GNG12: variants seen among roughly 807,000 people sequenced by gnomAD.
GNG12 encodes G protein subunit gamma 12.
For missense variants in GNG12, 69 were observed against 83.8 expected, an observed-to-expected ratio of 0.82 and a Z score of 0.69; for synonymous variants, 28 against 29.7, an observed-to-expected ratio of 0.94 and a Z score of 0.19.
intron 1 of GNG12, among the ~76,000 whole-genome samples, chr1:67,821,770 G>C (rs1397827529): frequency 7.3e-6 from 1 of 136,164 alleles, no homozygotes; most frequent in African/African-American, 2.7e-5. Flanking sequence ...TTAATCAGCA[G>C]CTTTTTTTTT....
intron 2 of GNG12, among the ~76,000 whole-genome samples, chr1:67,741,518 C>T (rs1469119146): frequency 6.6e-6 from 1 of 152,198 alleles, no homozygotes; most frequent in Non-Finnish European, 1.5e-5. Context: ...GGACTGATGG[C>T]TATGTTTAGG....
chr1:67,814,383 G>GT (rs1646942456), intron 1 of GNG12, among the ~76,000 whole-genome samples: 1 of 152,132 alleles, frequency 6.6e-6, no homozygotes, highest in African/African-American at 2.4e-5. Context: ...TGCATGTAGT[G>GT]TAACAGTCAA....
intron 2 of GNG12, among the ~76,000 whole-genome samples, chr1:67,737,277 A>C (rs1646457454): frequency 6.6e-6 from 1 of 152,238 alleles, no homozygotes; most frequent in South Asian, 2.1e-4. Context: ...AGCTAAAGCA[A>C]AGTCTAATTA....
intron 2 of GNG12, among the ~76,000 whole-genome samples, chr1:67,717,983 A>T (rs1047055918): frequency 5.3e-5 from 8 of 152,200 alleles, no homozygotes; most frequent in Admixed American, 2.6e-4. Flanking sequence ...TTGTTACAGG[A>T]TGAACTGAGA....
chr1:67,748,001 T>G (rs1646516702), intron 2 of GNG12, among the ~76,000 whole-genome samples: 1 of 152,140 alleles, frequency 6.6e-6, no homozygotes, highest in Admixed American at 6.5e-5. Flanking sequence ...TGGGGCAAAG[T>G]GGGAACCCAA....
chr1:67,761,599 C>T (rs1337498646), intron 2 of GNG12, among the ~76,000 whole-genome samples: 1 of 152,168 alleles, frequency 6.6e-6, no homozygotes, highest in African/African-American at 2.4e-5. Flanking sequence ...CTAGAAGTAT[C>T]TACAAAGCCT....
At chr1:67,801,734 G>A (rs139738547) in intron 1 of GNG12, among the ~76,000 whole-genome samples, 5 of 152,230 alleles carry the variant, frequency 3.3e-5, no homozygotes, top group South Asian at 2.1e-4. Context: ...CTCGCTTAAC[G>A]GTGTGAATTT....
intron 1 of GNG12, among the ~76,000 whole-genome samples, chr1:67,818,615 A>G (rs1287604371): frequency 2.0e-5 from 3 of 152,048 alleles, no homozygotes; most frequent in African/African-American, 7.2e-5. Context: ...ATTGCTAACA[A>G]AGAGGTCTGT....
Position 67,707,731 on chromosome 1 carries a change from A to G in GNG12, c.-26-19T>C. On this transcript the variant is annotated intron_variant, in intron 2 of 3. Transcript: ENST00000370982. Reference sequence around the variant, plus strand: ...CTGAAATCTGAGGAGAATTTTTTTTAAAGACAAGTAACAGGCATCTTTAAG... The same window carrying G: ...CTGAAATCTGAGGAGAATTTTTTTTGAAGACAAGTAACAGGCATCTTTAAG... 1 of 1,243,750 alleles carries G rather than the reference A, an allele frequency of 8.0e-7. No homozygotes were observed. The highest frequency in any genetic ancestry group is 1.2e-6 in the Non-Finnish European group (1 of 869,392). The allele number at this position is 1,243,750 out of a possible 1,614,324, so 77.0% of individuals were successfully genotyped here. A position where few individuals can be genotyped will look rare whatever the true frequency, so the allele number is the denominator to read the frequency against.
At chr1:67,803,101 C>G (rs75895430) in intron 1 of GNG12, among the ~76,000 whole-genome samples, 2,546 of 152,346 alleles carry the variant, frequency 0.017, 35 homozygotes, top group Non-Finnish European at 0.028. Flanking sequence ...AGCTGGTTCT[C>G]AGGGGATACA....
At chr1:67,736,719 C>G (rs1393699582) in intron 2 of GNG12, among the ~76,000 whole-genome samples, 1 of 152,188 alleles carries the variant, frequency 6.6e-6, no homozygotes, top group African/African-American at 2.4e-5. Flanking sequence ...CGTCTGGATC[C>G]AGGAACCTCA....
intron 2 of GNG12, among the ~76,000 whole-genome samples, chr1:67,709,454 T>G (rs1483301272): frequency 6.6e-6 from 1 of 152,132 alleles, no homozygotes; most frequent in African/African-American, 2.4e-5. Flanking sequence ...ATGCAAAGAC[T>G]AGTGACAGCC....
At position 67,705,374 on chromosome 1, in the gene GNG12, C is replaced by T; in HGVS notation, c.*77G>A. On this transcript the variant is annotated 3_prime_UTR_variant, in exon 4 of 4. Transcript: ENST00000370982. ...TTATTAGCAGTGGTTACCAAATAAG[C>T]TGAAGGTAAATCTCTTCAAGGAGCT... 1.9e-6 allele frequency: 3 copies of T among 1,554,382 alleles called. No individual in the cohort carries two copies. The highest frequency in any genetic ancestry group is 2.6e-6 in the Non-Finnish European group (3 of 1,152,932).
chr1:67,719,912 A>G (rs1235230443), intron 2 of GNG12, among the ~76,000 whole-genome samples: 51 of 152,228 alleles, frequency 3.4e-4, no homozygotes, highest in Admixed American at 3.3e-3. Flanking sequence ...GGCCTCAATT[A>G]AAACTGGATT....
chr1:67,783,311 G>A (rs1182211487), intron 1 of GNG12, among the ~76,000 whole-genome samples: 1 of 152,066 alleles, frequency 6.6e-6, no homozygotes, highest in East Asian at 1.9e-4. Flanking sequence ...CATCTTCATG[G>A]CTTAGCTTTT....
At chr1:67,730,567 A>T (rs558188223) in intron 2 of GNG12, among the ~76,000 whole-genome samples, 1 of 151,906 alleles carries the variant, frequency 6.6e-6, no homozygotes, top group Non-Finnish European at 1.5e-5. Context: ...GTCTATTTAC[A>T]TTAGGTACTA....
chr1:67,764,574 T>A (rs975096823), intron 2 of GNG12, among the ~76,000 whole-genome samples: 5 of 152,196 alleles, frequency 3.3e-5, no homozygotes, highest in Non-Finnish European at 7.3e-5. Flanking sequence ...TACCTGACTT[T>A]GAGGGACCAT....
intron 2 of GNG12, among the ~76,000 whole-genome samples, chr1:67,708,985 C>A (rs1570473313): frequency 6.6e-6 from 1 of 152,362 alleles, no homozygotes; most frequent in East Asian, 1.9e-4. Flanking sequence ...ACGTGGGCAC[C>A]ACGGTGCTCC....
At chr1:67,715,950 T>C (rs975594584) in intron 2 of GNG12, among the ~76,000 whole-genome samples, 1 of 152,210 alleles carries the variant, frequency 6.6e-6, no homozygotes, top group Admixed American at 6.5e-5. Context: ...AGACATAAAA[T>C]TCTTTCTCTT....
Sources: gnomAD v4.1 joint callset for allele counts (sites outside exome capture counted in the v4.1 genomes callset) on GRCh38, gnomAD v4.1.1 for gene constraint, MANE v1.5 for transcripts, NCBI Gene and HGNC (gene_info 2026-07-23, HGNC 2026-07-21) for gene names.